The following RNGTT variants were observed in gnomAD, a reference collection of about 807,000 sequenced individuals.
RNGTT encodes the protein RNA guanylyltransferase and 5'-phosphatase, also known as mRNA-capping enzyme.
Under a neutral mutation model 79.3 loss-of-function variants are expected in RNGTT, and 33 were observed. The ratio of observed to expected loss-of-function variants is 0.42; its 90% CI spans 0.32 to 0.56. The LOEUF is 0.56. RNGTT is among the 20% of genes least tolerant of loss of function. The pLI is 0.17. For synonymous variants in RNGTT, 222 were observed against 235.9 expected (o/e 0.94, Z 0.54); for missense variants, 497 against 739.1 (o/e 0.67, Z 3.80).
chr6:88,893,241 A>T lies in RNGTT; in HGVS notation c.685-1326T>A, dbSNP rs73506519. On this transcript the variant is annotated intron_variant, in intron 6 of 15. Coordinates refer to ENST00000369485, the MANE Select transcript of RNGTT (RefSeq NM_003800.5). Reference sequence around the variant, plus strand: ...TAAAAAATTGTTTCTTATGCTAATTAAAAAAGAACACTTCTTTTTAGAGAG... The same window carrying T: ...TAAAAAATTGTTTCTTATGCTAATTTAAAAAGAACACTTCTTTTTAGAGAG... 2.2e-3 allele frequency among the ~76,000 whole-genome samples: 342 copies of T among 152,206 alleles called. 1 individual carries two copies. Among genetic ancestry groups the T allele is most frequent in the African/African-American group, 8.0e-3 (331 of 41,564 alleles).
intron 11 of RNGTT, among the ~76,000 whole-genome samples, chr6:88,843,548 CTTTTTTTTT>C (rs11312733): frequency 1.5e-4 from 10 of 66,634 alleles, no homozygotes; most frequent in Admixed American, 3.7e-4. Context: ...TAGTATGATT[CTTTTTTTTT>C]TTTTTTTTTT....
rs1481624677 is a variant in RNGTT, at chr6:88,776,552, C to G, written c.1339-6678G>C. On this transcript the variant is annotated intron_variant, in intron 12 of 15. Coordinates refer to ENST00000369485, the MANE Select transcript of RNGTT (RefSeq NM_003800.5). ...GTTTCTCCATGTTGTTCAGGCTGGT[C>G]TCAAACTCCTGACCTCAGGTGATCT... 4.7e-5 allele frequency among the ~76,000 whole-genome samples: 7 copies of G among 150,190 alleles called. No homozygotes were observed. In the East Asian group the frequency reaches 1.4e-3, roughly 29 times the overall value.
At chr6:88,836,947 T>C (rs1414843668) in intron 11 of RNGTT, among the ~76,000 whole-genome samples, 1 of 152,038 alleles carries the variant, frequency 6.6e-6, no homozygotes, top group African/African-American at 2.4e-5. Flanking sequence ...TAAATGGATA[T>C]TGCACTCAAA....
chr6:88,802,591 G>A (rs773983974), intron 11 of RNGTT, among the ~76,000 whole-genome samples: 4 of 152,158 alleles, frequency 2.6e-5, no homozygotes, highest in Admixed American at 6.5e-5. Context: ...AGACATACCC[G>A]AGACTGGGTA....
intron 12 of RNGTT, among the ~76,000 whole-genome samples, chr6:88,793,855 T>TA (rs1779503438): frequency 6.6e-6 from 1 of 152,212 alleles, no homozygotes; most frequent in African/African-American, 2.4e-5. Flanking sequence ...AGTCATGTAA[T>TA]AGTCATACTA....
chr6:88,715,486 A>G (rs568099225), intron 13 of RNGTT, among the ~76,000 whole-genome samples: 5 of 152,280 alleles, frequency 3.3e-5, no homozygotes, highest in African/African-American at 9.6e-5. Flanking sequence ...ATATGGAACC[A>G]AAAAAGAGCC....
At chr6:88,706,859 C>A (rs73496448) in intron 13 of RNGTT, among the ~76,000 whole-genome samples, 2 of 152,164 alleles carry the variant, frequency 1.3e-5, no homozygotes, top group East Asian at 3.9e-4. Context: ...ACCTATCACA[C>A]GAATCATTAC....
intron 13 of RNGTT, among the ~76,000 whole-genome samples, chr6:88,746,435 AT>A (rs1229717913): frequency 6.6e-6 from 1 of 152,170 alleles, no homozygotes; most frequent in African/African-American, 2.4e-5. Flanking sequence ...GCCTATTGCT[AT>A]CTACTAGAGC....
intron 13 of RNGTT, among the ~76,000 whole-genome samples, chr6:88,706,615 G>A (rs2026019): frequency 0.27 from 40,631 of 151,940 alleles, 9,578 homozygotes; most frequent in African/African-American, 0.64. Context: ...GAATTCTACT[G>A]TAATACCTGA....
At chr6:88,636,847 T>C (rs1773118531) in intron 14 of RNGTT, among the ~76,000 whole-genome samples, 1 of 151,904 alleles carries the variant, frequency 6.6e-6, no homozygotes, top group Non-Finnish European at 1.5e-5. Flanking sequence ...CAATTCTATC[T>C]AGTATCTTCC....
chr6:88,626,328 CCTT>C (rs1772632508), intron 14 of RNGTT, among the ~76,000 whole-genome samples: 1 of 151,916 alleles, frequency 6.6e-6, no homozygotes, highest in African/African-American at 2.4e-5. Flanking sequence ...AAATCTATGT[CCTT>C]CTTTCCGCTA....
intron 8 of RNGTT, among the ~76,000 whole-genome samples, chr6:88,888,762 G>A (rs1782948239): frequency 6.6e-6 from 1 of 152,188 alleles, no homozygotes; most frequent in South Asian, 2.1e-4. Flanking sequence ...AGGCACGGTG[G>A]CTCACACCTG....
intron 13 of RNGTT, among the ~76,000 whole-genome samples, chr6:88,694,371 A>G (rs1409835541): frequency 6.6e-6 from 1 of 152,186 alleles, no homozygotes; most frequent in East Asian, 1.9e-4. Flanking sequence ...AAAAATGAAT[A>G]AAATGCTTAG....
chr6:88,683,175 C>A (rs1423822324), intron 13 of RNGTT, among the ~76,000 whole-genome samples: 2 of 151,904 alleles, frequency 1.3e-5, no homozygotes, highest in African/African-American at 4.8e-5. Flanking sequence ...TGGAGAGTAT[C>A]AAAAACACTA....
At chr6:88,946,950 A>G (rs1368824338) in intron 1 of RNGTT, among the ~76,000 whole-genome samples, 1 of 101,282 alleles carries the variant, frequency 9.9e-6, no homozygotes, top group African/African-American at 3.9e-5. Flanking sequence ...TCAGTGCTCA[A>G]TGGTGCCCAG....
At chr6:88,926,591 T>G (rs1283447782) in intron 4 of RNGTT, among the ~76,000 whole-genome samples, 2 of 152,238 alleles carry the variant, frequency 1.3e-5, no homozygotes, top group Non-Finnish European at 2.9e-5. Flanking sequence ...CTACATTTAT[T>G]AGTAAAAATT....
intron 4 of RNGTT, among the ~76,000 whole-genome samples, chr6:88,914,943 A>G (rs1386969511): frequency 2.0e-5 from 3 of 152,194 alleles, no homozygotes; most frequent in Non-Finnish European, 2.9e-5. Context: ...AAATAAACCC[A>G]TTAAAAAGTG....
intron 11 of RNGTT, among the ~76,000 whole-genome samples, chr6:88,836,557 C>T (rs1781086511): frequency 6.6e-6 from 1 of 152,112 alleles, no homozygotes; most frequent in East Asian, 1.9e-4. Context: ...GCCAGGGGAA[C>T]ACGGTGAAAC....
intron 13 of RNGTT, among the ~76,000 whole-genome samples, chr6:88,723,763 C>T (rs1191324758): frequency 6.6e-6 from 1 of 152,092 alleles, no homozygotes; most frequent in African/African-American, 2.4e-5. Context: ...CTCGCTCTGT[C>T]ACCCAGACTG....
Sources: gnomAD v4.1 joint callset for allele counts (sites outside exome capture counted in the v4.1 genomes callset) on GRCh38, gnomAD v4.1.1 for gene constraint, MANE v1.5 for transcripts, NCBI Gene and HGNC (gene_info 2026-07-23, HGNC 2026-07-21) for gene names.